LHFPL3: variants seen among roughly 807,000 people sequenced by gnomAD.
LHFPL3 encodes LHFPL tetraspan subfamily member 3, also known as LHFPL tetraspan subfamily member 3 protein.
Under a neutral mutation model 19.3 loss-of-function variants are expected in LHFPL3, and 5 were observed. The observed-to-expected ratio is 0.26, with a 90% CI of 0.14 to 0.54. LHFPL3 has a LOEUF of 0.54. LHFPL3 is among the 20% of genes least tolerant of loss of function. LHFPL3 has a pLI of 0.94. For synonymous variants in LHFPL3, 133 were observed against 126.2 expected (o/e 1.05, Z -0.36); for missense variants, 249 against 307.4 (o/e 0.81, Z 1.42).
chr7:104,795,393 C>T (rs1477792042), intron 2 of LHFPL3, among the ~76,000 whole-genome samples: 4 of 152,168 alleles, frequency 2.6e-5, no homozygotes, highest in Non-Finnish European at 2.9e-5. Flanking sequence ...TCTCTCTCCC[C>T]GTCCCTCGCC....
chr7:104,364,042 A>G (rs1343517994), intron 1 of LHFPL3, among the ~76,000 whole-genome samples: 6 of 152,184 alleles, frequency 3.9e-5, no homozygotes, highest in Admixed American at 3.9e-4. Context: ...GAAGCTTCCT[A>G]TATCTGAGTA....
intron 2 of LHFPL3, among the ~76,000 whole-genome samples, chr7:104,884,215 C>G (rs1314304637): frequency 6.6e-6 from 1 of 152,202 alleles, no homozygotes; most frequent in African/African-American, 2.4e-5. Context: ...AACAACATCA[C>G]GGAGAAGGCA....
intron 1 of LHFPL3, among the ~76,000 whole-genome samples, chr7:104,441,730 C>A (rs1245884748): frequency 6.6e-6 from 1 of 152,150 alleles, no homozygotes; most frequent in African/African-American, 2.4e-5. Context: ...TGTGCGCCAC[C>A]ATGCTCGGCT....
rs189185767 is a variant in LHFPL3, at chr7:104,416,381, T to C, written c.445+87157T>C. 2.1e-3 allele frequency among the ~76,000 whole-genome samples: 321 copies of C among 152,306 alleles called. 1 individual carries two copies. The highest frequency in any genetic ancestry group is 7.2e-3 in the African/African-American group (299 of 41,562). On this transcript the variant is annotated intron_variant, in intron 1 of 2. Coordinates refer to ENST00000424859, the MANE Select transcript of LHFPL3 (RefSeq NM_199000.3). The stretch of plus-strand genomic sequence containing the variant: ...AATATCTGTTGTTGAAGCCAACAAA[T>C]TTCTGTTGTTACAGGAGCTCTAGAA...
At chr7:104,859,507 A>G (rs551628177) in intron 2 of LHFPL3, among the ~76,000 whole-genome samples, 2 of 152,126 alleles carry the variant, frequency 1.3e-5, no homozygotes, top group African/African-American at 4.8e-5. Context: ...CATCTCTACC[A>G]AAAACACAAA....
intron 1 of LHFPL3, among the ~76,000 whole-genome samples, chr7:104,667,253 A>C (rs1792371918): frequency 8.4e-6 from 1 of 119,160 alleles, no homozygotes; most frequent in Admixed American, 8.4e-5. Context: ...TCCTACAATC[A>C]TCTGTTTTCT....
At chr7:104,558,003 T>G (rs1789886198) in intron 1 of LHFPL3, among the ~76,000 whole-genome samples, 2 of 150,894 alleles carry the variant, frequency 1.3e-5, no homozygotes, top group South Asian at 4.2e-4. Context: ...ACAAAGGACA[T>G]GAACTCATCA....
At chr7:104,619,166 A>G (rs1436996697) in intron 1 of LHFPL3, among the ~76,000 whole-genome samples, 8 of 152,204 alleles carry the variant, frequency 5.3e-5, no homozygotes, top group Non-Finnish European at 1.5e-5. Context: ...TAAGAATAAT[A>G]TCCAGTTTAT....
At chr7:104,841,423 T>C (rs1481682515) in intron 2 of LHFPL3, among the ~76,000 whole-genome samples, 2 of 72,872 alleles carry the variant, frequency 2.7e-5, no homozygotes, top group Non-Finnish European at 5.5e-5. Context: ...CTCGTTTGTG[T>C]CTGTGGAAAA....
intron 1 of LHFPL3, among the ~76,000 whole-genome samples, chr7:104,372,559 C>T (rs944236483): frequency 2.6e-4 from 39 of 152,066 alleles, no homozygotes; most frequent in African/African-American, 8.2e-4. Context: ...CTCTGATCCT[C>T]AAAAGAAAAG....
intron 1 of LHFPL3, among the ~76,000 whole-genome samples, chr7:104,649,692 A>C: frequency 6.6e-6 from 1 of 152,024 alleles, no homozygotes; most frequent in South Asian, 2.1e-4. Flanking sequence ...ATTCAGGGAG[A>C]GGGAAGGATT....
At chr7:104,519,795 G>A (rs1351165298) in intron 1 of LHFPL3, among the ~76,000 whole-genome samples, 1 of 152,150 alleles carries the variant, frequency 6.6e-6, no homozygotes, top group Admixed American at 6.6e-5. Context: ...AAACACATCT[G>A]TGTGCTTCTA....
chr7:104,461,033 A>G (rs1216071034), intron 1 of LHFPL3, among the ~76,000 whole-genome samples: 1 of 152,198 alleles, frequency 6.6e-6, no homozygotes, highest in East Asian at 1.9e-4. Context: ...AAGACCTACC[A>G]GAGAGTGGGT....
intron 1 of LHFPL3, among the ~76,000 whole-genome samples, chr7:104,734,566 C>A (rs1166771373): frequency 6.6e-6 from 1 of 152,206 alleles, no homozygotes; most frequent in East Asian, 1.9e-4. Flanking sequence ...GTTTTCAGCT[C>A]CATCAGGTCC....
chr7:104,353,997 C>T lies in LHFPL3; in HGVS notation c.445+24773C>T, dbSNP rs561063231. Among the ~76,000 whole-genome samples, 379 of 152,284 alleles carry T rather than the reference C, an allele frequency of 2.5e-3. 2 individuals carry two copies. The highest frequency in any genetic ancestry group is 0.02 in the Middle Eastern group (6 of 294). On this transcript the variant is annotated intron_variant, in intron 1 of 2. Transcript: ENST00000424859. The stretch of plus-strand genomic sequence containing the variant: ...CATTTCCCACTCTCATTGGCTTCCT[C>T]ACCCACTGACAAACCATTATAATAA...
At chr7:104,437,076 A>G (rs553261680) in intron 1 of LHFPL3, among the ~76,000 whole-genome samples, 1 of 152,354 alleles carries the variant, frequency 6.6e-6, no homozygotes, top group Admixed American at 6.5e-5. Context: ...TACTATGTGC[A>G]TATTACTGTC....
intron 1 of LHFPL3, among the ~76,000 whole-genome samples, chr7:104,343,554 C>T (rs1431597923): frequency 9.1e-6 from 1 of 110,420 alleles, no homozygotes; most frequent in Non-Finnish European, 2.0e-5. Flanking sequence ...AAAAAAAAGC[C>T]AAGCTTGAAT....
chr7:104,617,829 A>C (rs1202301721), intron 1 of LHFPL3, among the ~76,000 whole-genome samples: 1 of 152,228 alleles, frequency 6.6e-6, no homozygotes, highest in African/African-American at 2.4e-5. Context: ...ATGTTTGTGT[A>C]TCTAGAGAAA....
intron 1 of LHFPL3, among the ~76,000 whole-genome samples, chr7:104,625,762 A>AAGG: frequency 6.6e-6 from 1 of 152,274 alleles, no homozygotes; most frequent in East Asian, 1.9e-4. Flanking sequence ...TTGGAACTTC[A>AAGG]AGGAGAAATT....
Sources: allele counts gnomAD v4.1 joint callset (sites outside exome capture counted in the v4.1 genomes callset), GRCh38; gene constraint gnomAD v4.1.1; transcripts MANE v1.5; gene names NCBI Gene and HGNC (gene_info 2026-07-23, HGNC 2026-07-21).